The following STAT5B variants were observed in gnomAD, a reference collection of about 807,000 sequenced individuals.
STAT5B encodes the protein transcription factor STAT5B.
In STAT5B, 21 loss-of-function variants were observed where a neutral mutation model predicts 107.8. The observed-to-expected ratio is 0.19, with a 90% CI of 0.14 to 0.28. The LOEUF is 0.28. Among genes scored for constraint, STAT5B ranks in the 10% least tolerant of loss-of-function variants. The probability of loss-of-function intolerance (pLI) is 1.00; values close to 1 mark genes in which losing one functional copy is unlikely to be tolerated. For synonymous variants in STAT5B, 325 were observed against 401.7 expected (o/e 0.81, Z 2.28); for missense variants, 565 against 1,008.2 (o/e 0.56, Z 5.95).
chr17:42,254,800 A>ATTTT (rs2080528295), intron 1 of STAT5B, among the ~76,000 whole-genome samples: 2 of 151,586 alleles, frequency 1.3e-5, no homozygotes, highest in Non-Finnish European at 2.9e-5. Context: ...TTAAAAATGG[A>ATTTT]AAAAAAAAGA....
At chr17:42,269,594 C>T (rs1190143641) in intron 1 of STAT5B, 2 of 152,128 alleles carry the variant, frequency 1.3e-5, no homozygotes, top group East Asian at 3.8e-4. Flanking sequence ...TAACTTCTGT[C>T]AACATTCAAA....
intron 1 of STAT5B, among the ~76,000 whole-genome samples, chr17:42,251,535 C>G (rs2080499605): frequency 6.6e-6 from 1 of 151,956 alleles, no homozygotes; most frequent in Non-Finnish European, 1.5e-5. Context: ...TGTAAAACAC[C>G]CCAGTGTGTA....
At chr17:42,224,632 CTATTTCTTTT>C in intron 4 of STAT5B, 137 bp downstream of exon 4, 1 of 820,434 alleles carries the variant, frequency 1.2e-6, no homozygotes, top group Non-Finnish European at 2.0e-6. Flanking sequence ...GTCAAGTCTC[CTATTTCTTTT>C]GTGCCCCTTA....
intron 1 of STAT5B, among the ~76,000 whole-genome samples, chr17:42,273,857 C>CAA: frequency 6.6e-6 from 1 of 152,038 alleles, no homozygotes; most frequent in Non-Finnish European, 1.5e-5. Flanking sequence ...TGAAAAAACT[C>CAA]GACTTAAGTA....
At chr17:42,231,860 T>G in intron 2 of STAT5B, 140 bp downstream of exon 2, 2 of 1,317,102 alleles carry the variant, frequency 1.5e-6, no homozygotes, top group Non-Finnish European at 2.1e-6. Flanking sequence ...AGAAAAAAAA[T>G]TTTAAATACC....
intron 16 of STAT5B, 191 bp from the exon 17 acceptor site, chr17:42,202,999 G>C: frequency 1.4e-6 from 1 of 735,892 alleles, no homozygotes; most frequent in Non-Finnish European, 2.3e-6. Context: ...CTGGAGTACG[G>C]TGGTGCAATC....
chr17:42,229,005 G>A (rs575357255), intron 2 of STAT5B, among the ~76,000 whole-genome samples: 13 of 152,262 alleles, frequency 8.5e-5, no homozygotes, highest in East Asian at 5.8e-4. Flanking sequence ...CCCAATCTGC[G>A]CCTTGAGAAG....
intron 16 of STAT5B, among the ~76,000 whole-genome samples, chr17:42,203,807 G>A: frequency 6.6e-6 from 1 of 151,702 alleles, no homozygotes; most frequent in Admixed American, 6.6e-5. Flanking sequence ...TTATATTTTT[G>A]GTAGAGATGG....
intron 1 of STAT5B, among the ~76,000 whole-genome samples, chr17:42,256,339 C>T (rs2144375708): frequency 1.3e-5 from 2 of 152,188 alleles, no homozygotes; most frequent in South Asian, 4.1e-4. Flanking sequence ...GCTCAGCCTC[C>T]CATAGTACTG....
In STAT5B at chr17:42,219,814, GC is replaced by G. The variant is rs2080208581; in HGVS notation, c.578del (p.Ser193ThrfsTer6). The G allele has an allele frequency of 6.2e-7, 1 of 1,614,010 alleles. No homozygotes were observed. Among genetic ancestry groups the G allele is most frequent in the African/African-American group, 1.3e-5 (1 of 74,916 alleles). On this transcript the variant is annotated frameshift_variant, in exon 6 of 19. Coordinates refer to ENST00000293328, the MANE Select transcript of STAT5B (RefSeq NM_012448.4). LOFTEE classifies it high-confidence loss of function. ...QAQFGPLAQL[S>X]PQERLSRETA... ...TCTCCCGGCTCAGACGCTCCTGGGGGCTCAGCTGGGCCAGCGGGCCAAACTG... is the reference window on the plus strand; with the variant it reads ...TCTCCCGGCTCAGACGCTCCTGGGGGTCAGCTGGGCCAGCGGGCCAAACTG...
chr17:42,280,590 T>C (rs1006417642), upstream of STAT5B, among the ~76,000 whole-genome samples: 3 of 152,162 alleles, frequency 2.0e-5, no homozygotes, highest in East Asian at 1.9e-4. Context: ...ATGTCCCTTT[T>C]TCCCTGTGGG....
intron 1 of STAT5B, among the ~76,000 whole-genome samples, chr17:42,262,966 GTGTGTATATATATATATATATATATATA>G (rs1260815667): frequency 2.1e-4 from 8 of 38,756 alleles, no homozygotes; most frequent in Non-Finnish European, 2.8e-4. Flanking sequence ...GTGTGTGTGT[GTGTGTATATATATATATATATATATATA>G]TATATATATA....
chr17:42,214,182 A>T, intron 12 of STAT5B: 2 of 975,432 alleles, frequency 2.1e-6, no homozygotes, highest in Non-Finnish European at 2.4e-6. Context: ...AGATGTAAGT[A>T]GTCATTAACA....
At chr17:42,251,917 C>T (rs8071671) in intron 1 of STAT5B, among the ~76,000 whole-genome samples, 53,892 of 149,952 alleles carry the variant, frequency 0.36, 10,823 homozygotes, top group African/African-American at 0.55. Context: ...GAGAATGGCT[C>T]GAACCCAGGA....
intron 1 of STAT5B, among the ~76,000 whole-genome samples, chr17:42,259,789 A>T (rs921451591): frequency 1.3e-5 from 2 of 152,150 alleles, no homozygotes; most frequent in African/African-American, 4.8e-5. Context: ...CAAAAAAAAA[A>T]CAAAAAAGAA....
chr17:42,283,446 G>A, the STAT5B span, among the ~76,000 whole-genome samples: 2 of 152,186 alleles, frequency 1.3e-5, no homozygotes, highest in African/African-American at 2.4e-5. Context: ...GAAAGAAACC[G>A]GCCTACAAGC....
chr17:42,239,226 G>A (rs190109924), intron 1 of STAT5B, among the ~76,000 whole-genome samples: 1,533 of 130,660 alleles, frequency 0.012, 23 homozygotes, highest in African/African-American at 0.044. Flanking sequence ...CCAAGCTGGC[G>A]ACAGAGCAAG....
At chr17:42,247,311 T>C (rs2080459799) in intron 1 of STAT5B, among the ~76,000 whole-genome samples, 1 of 152,254 alleles carries the variant, frequency 6.6e-6, no homozygotes, top group Admixed American at 6.5e-5. Flanking sequence ...CAGAAGGATA[T>C]GGCAGTTTGC....
intron 9 of STAT5B, 139 bp downstream of exon 9, chr17:42,218,012 C>T (rs2080187988): frequency 1.4e-6 from 2 of 1,459,906 alleles, no homozygotes; most frequent in African/African-American, 2.8e-5. Context: ...GGCCCAAGAA[C>T]TTCCTTATAT....
Sources: allele counts gnomAD v4.1 joint callset (sites outside exome capture counted in the v4.1 genomes callset), GRCh38; gene constraint gnomAD v4.1.1; transcripts MANE v1.5; gene names NCBI Gene and HGNC (gene_info 2026-07-23, HGNC 2026-07-21).